MDGA2: variants seen among roughly 807,000 people sequenced by gnomAD.
MDGA2 encodes MAM domain containing glycosylphosphatidylinositol anchor 2.
A neutral mutation model predicts 117.8 loss-of-function variants in MDGA2; 40 were observed. The ratio of observed to expected loss-of-function variants is 0.34; its 90% CI spans 0.26 to 0.44. The LOEUF (loss-of-function observed/expected upper bound fraction) is 0.44. Among genes scored for constraint, MDGA2 ranks in the 20% least tolerant of loss-of-function variants. The probability of loss-of-function intolerance (pLI) is 1.00; values close to 1 mark genes in which losing one functional copy is unlikely to be tolerated. For synonymous variants in MDGA2, 452 were observed against 439.0 expected (o/e 1.03, Z -0.37); for missense variants, 1,123 against 1,250.6 (o/e 0.90, Z 1.54).
rs368955356 is a variant in MDGA2, at chr14:47,280,960, G to C, written c.420+20451C>G. On this transcript the variant is annotated intron_variant, in intron 2 of 16. Coordinates refer to ENST00000399232, the MANE Select transcript of MDGA2 (RefSeq NM_001113498.3). Reference sequence around the variant, plus strand: ...ATAAACAAAATAATATAATATATAAGGTATATATGATATAATAAAATATAT... The same window carrying C: ...ATAAACAAAATAATATAATATATAACGTATATATGATATAATAAAATATAT... Among the ~76,000 whole-genome samples the C allele has an allele frequency of 7.5e-4, 108 of 143,224 alleles. 1 individual carries two copies. In the East Asian group the frequency reaches 0.019, roughly 25 times the overall value. 94.0% of individuals were successfully genotyped at this position (143,224 alleles called of 152,430 possible).
intron 1 of MDGA2, among the ~76,000 whole-genome samples, chr14:47,549,081 G>A (rs1324531032): frequency 1.3e-5 from 2 of 152,110 alleles, no homozygotes; most frequent in Non-Finnish European, 2.9e-5. Context: ...AGTGAGGATG[G>A]AGTTTTTTGA....
intron 1 of MDGA2, among the ~76,000 whole-genome samples, chr14:47,499,779 G>A (rs1307700359): frequency 2.0e-5 from 3 of 152,096 alleles, no homozygotes; most frequent in Non-Finnish European, 4.4e-5. Context: ...GGGGCAGTTC[G>A]TAGGCACTGC....
intron 3 of MDGA2, among the ~76,000 whole-genome samples, chr14:47,202,645 A>G (rs1346153836): frequency 6.6e-6 from 1 of 152,176 alleles, no homozygotes; most frequent in Non-Finnish European, 1.5e-5. Context: ...GCAATCCTAT[A>G]AGGGAGGAAT....
chr14:47,097,491 G>C (rs1265988483), intron 5 of MDGA2, among the ~76,000 whole-genome samples: 1 of 151,882 alleles, frequency 6.6e-6, no homozygotes, highest in South Asian at 2.1e-4. Context: ...AGATACTGCA[G>C]ATATTCAGTC....
intron 4 of MDGA2, among the ~76,000 whole-genome samples, chr14:47,143,838 A>C (rs1018138887): frequency 6.6e-6 from 1 of 152,224 alleles, no homozygotes; most frequent in Non-Finnish European, 1.5e-5. Context: ...GATTAAAAAA[A>C]AGTTAGGACA....
At chr14:47,013,743 T>C (rs972447202) in intron 8 of MDGA2, among the ~76,000 whole-genome samples, 3 of 142,180 alleles carry the variant, frequency 2.1e-5, no homozygotes, top group Non-Finnish European at 4.6e-5. Flanking sequence ...GGATGTTGTG[T>C]TATTAGGTAT....
At chr14:47,469,112 C>T (rs1454029579) in intron 1 of MDGA2, among the ~76,000 whole-genome samples, 1 of 151,892 alleles carries the variant, frequency 6.6e-6, no homozygotes, top group African/African-American at 2.4e-5. Context: ...GCTTATTTAA[C>T]ATTATTTTGG....
At chr14:47,560,307 G>A (rs1021410218) in intron 1 of MDGA2, among the ~76,000 whole-genome samples, 2 of 151,474 alleles carry the variant, frequency 1.3e-5, no homozygotes, top group Admixed American at 6.6e-5. Context: ...TCCTGACCTC[G>A]TGATCTGCCC....
intron 3 of MDGA2, among the ~76,000 whole-genome samples, chr14:47,161,179 C>T (rs1291122159): frequency 2.0e-5 from 3 of 152,016 alleles, no homozygotes; most frequent in Non-Finnish European, 2.9e-5. Flanking sequence ...TACTAATTTA[C>T]TTAATTTAAT....
Position 46,844,593 on chromosome 14 carries a change from T to A in MDGA2, c.2989+1173A>T, listed in dbSNP as rs1203213466. 4.0e-5 allele frequency among the ~76,000 whole-genome samples: 6 copies of A among 151,264 alleles called. No individual in the cohort carries two copies. The South Asian group carries it at 1.3e-3, about 32-fold the overall frequency. ...CAAAACTCCGTCTCAAAAAAAAAAA[T>A]TGGCTAAATCAGGAAATATATTCAC... On this transcript the variant is annotated intron_variant, in intron 16 of 16. Transcript: ENST00000399232.
At chr14:47,578,098 A>AT (rs1896149549) in intron 1 of MDGA2, among the ~76,000 whole-genome samples, 1 of 152,206 alleles carries the variant, frequency 6.6e-6, no homozygotes, top group South Asian at 2.1e-4. Flanking sequence ...ATAAAAAGGA[A>AT]TGAGATCATG....
At chr14:47,275,810 A>T (rs1888294517) in intron 2 of MDGA2, among the ~76,000 whole-genome samples, 1 of 152,132 alleles carries the variant, frequency 6.6e-6, no homozygotes, top group African/African-American at 2.4e-5. Flanking sequence ...ATCTTACAGG[A>T]GAGAAATACT....
intron 3 of MDGA2, among the ~76,000 whole-genome samples, chr14:47,204,508 C>T (rs1257432774): frequency 6.6e-6 from 1 of 151,954 alleles, no homozygotes; most frequent in African/African-American, 2.4e-5. Flanking sequence ...GTATACTTTG[C>T]ATTCTCTTCT....
chr14:47,003,399 A>G (rs1265824073), intron 8 of MDGA2, among the ~76,000 whole-genome samples: 2 of 152,070 alleles, frequency 1.3e-5, no homozygotes. Context: ...GTTTGCCACA[A>G]TGGTTTGTAC....
chr14:47,550,189 C>A (rs2138775739), intron 1 of MDGA2, among the ~76,000 whole-genome samples: 1 of 152,270 alleles, frequency 6.6e-6, no homozygotes, highest in Admixed American at 6.5e-5. Context: ...GATTCACACT[C>A]CCAGGTACTC....
At chr14:47,265,830 AAC>A (rs1363902576) in intron 2 of MDGA2, among the ~76,000 whole-genome samples, 1 of 152,094 alleles carries the variant, frequency 6.6e-6, no homozygotes, top group Non-Finnish European at 1.5e-5. Context: ...AGTTCCCAAT[AAC>A]ACAGAAGTTT....
intron 1 of MDGA2, among the ~76,000 whole-genome samples, chr14:47,487,002 T>A (rs552412621): frequency 6.6e-6 from 1 of 152,218 alleles, no homozygotes; most frequent in Non-Finnish European, 1.5e-5. Flanking sequence ...AAGTTTCAGA[T>A]AGTTTATGCA....
At chr14:47,263,670 T>C (rs985876967) in intron 2 of MDGA2, among the ~76,000 whole-genome samples, 7 of 152,174 alleles carry the variant, frequency 4.6e-5, no homozygotes, top group Non-Finnish European at 5.9e-5. Context: ...CTTCATTCCA[T>C]GGTGGTGATC....
chr14:47,413,816 A>C (rs1295946790), intron 1 of MDGA2, among the ~76,000 whole-genome samples: 1 of 152,074 alleles, frequency 6.6e-6, no homozygotes, highest in Non-Finnish European at 1.5e-5. Flanking sequence ...TTATGAAAAC[A>C]AGGGAATAGA....
Sources: gnomAD v4.1 joint callset for allele counts (sites outside exome capture counted in the v4.1 genomes callset) on GRCh38, gnomAD v4.1.1 for gene constraint, MANE v1.5 for transcripts, NCBI Gene and HGNC (gene_info 2026-07-23, HGNC 2026-07-21) for gene names.